METAP1D: variants seen among roughly 807,000 people sequenced by gnomAD.
METAP1D encodes methionine aminopeptidase 1D, mitochondrial.
METAP1D carries 31 observed loss-of-function variants against 40.5 expected under a neutral mutation model. That is an observed-to-expected ratio of 0.77 (90% CI 0.58 to 1.03). The LOEUF is 1.03. Ranked by LOEUF, METAP1D falls within the 50% of genes least tolerant of loss-of-function variation. The pLI is 0.00. For synonymous variants in METAP1D, 151 were observed against 146.4 expected (o/e 1.03, Z -0.22); for missense variants, 411 against 420.7 (o/e 0.98, Z 0.20).
intron 1 of METAP1D, among the ~76,000 whole-genome samples, chr2:172,013,743 A>G (rs536961234): frequency 4.2e-4 from 64 of 152,250 alleles, no homozygotes; most frequent in African/African-American, 1.5e-3. Flanking sequence ...CATGCACAGC[A>G]TTGGGAGACA....
chr2:172,045,819 GTATATATA>G (rs796640775), intron 1 of METAP1D, among the ~76,000 whole-genome samples: 72 of 15,176 alleles, frequency 4.7e-3, no homozygotes, highest in Admixed American at 0.012. Flanking sequence ...GTGTGTGTGT[GTATATATA>G]TATATATATA....
chr2:172,012,669 ATGT>A (rs1297947187), intron 1 of METAP1D, among the ~76,000 whole-genome samples: 1 of 152,072 alleles, frequency 6.6e-6, no homozygotes, highest in African/African-American at 2.4e-5. Context: ...TAATTTTCTA[ATGT>A]TGTTTTCTAC....
intron 1 of METAP1D, among the ~76,000 whole-genome samples, chr2:172,015,414 AAAAG>A (rs1452217700): frequency 6.6e-6 from 1 of 152,062 alleles, no homozygotes; most frequent in African/African-American, 2.4e-5. Flanking sequence ...TGTCTCAAAA[AAAAG>A]AAAGAAAATA....
intron 1 of METAP1D, among the ~76,000 whole-genome samples, chr2:172,021,167 T>C (rs1688997400): frequency 6.6e-6 from 1 of 152,202 alleles, no homozygotes. Context: ...TTGTTTGCAT[T>C]TTCACGTTTA....
Position 172,081,880 on chromosome 2 carries a change from AG to A in METAP1D, c.*1476del, listed in dbSNP as rs1263624955. On this transcript the variant is annotated 3_prime_UTR_variant, in exon 10 of 10. Transcript: ENST00000315796. ...GTAACATTCATAATACGGGAAACTGAGGACCAGGTGGCTCGGAAAAGAGATG... is the reference window on the plus strand; with the variant it reads ...GTAACATTCATAATACGGGAAACTGAGACCAGGTGGCTCGGAAAAGAGATG... The A allele has an allele frequency of 6.6e-6, 1 of 152,228 alleles. No homozygotes were observed. The highest frequency in any genetic ancestry group is 2.4e-5 in the African/African-American group (1 of 41,440). The allele number at this position is 152,228 out of a possible 1,614,324, so 9.4% of individuals were successfully genotyped here. A position where few individuals can be genotyped will look rare whatever the true frequency, so the allele number is the denominator to read the frequency against.
Position 172,081,201 on chromosome 2 carries a change from G to C in METAP1D, c.*795G>C, listed in dbSNP as rs1471000412. The C allele has an allele frequency of 2.7e-5, 4 of 147,426 alleles. No individual in the cohort carries two copies. Among genetic ancestry groups the C allele is most frequent in the African/African-American group, 7.6e-5 (3 of 39,476 alleles). 9.1% of individuals were successfully genotyped at this position (147,426 alleles called of 1,614,324 possible). On this transcript the variant is annotated 3_prime_UTR_variant, in exon 10 of 10. Transcript: ENST00000315796. ...ACCCCACACGCACGCACGCACGCTA[G>C]ACCGTTTGCTGCACTAGGAATTCGA... is the stretch of plus-strand genomic sequence containing the variant.
At chr2:172,036,093 G>A (rs1192471833) in intron 1 of METAP1D, among the ~76,000 whole-genome samples, 6 of 151,832 alleles carry the variant, frequency 4.0e-5, no homozygotes, top group Non-Finnish European at 7.4e-5. Context: ...CAAGGTGGGC[G>A]GATCACTAGG....
At chr2:172,031,200 T>C (rs896020469) in intron 1 of METAP1D, among the ~76,000 whole-genome samples, 1 of 152,214 alleles carries the variant, frequency 6.6e-6, no homozygotes, top group South Asian at 2.1e-4. Context: ...AGAATTTTCT[T>C]TGGGTTAATG....
chr2:172,028,015 G>C (rs749788254), intron 1 of METAP1D, among the ~76,000 whole-genome samples: 1 of 152,220 alleles, frequency 6.6e-6, no homozygotes, highest in African/African-American at 2.4e-5. Context: ...CCTGGTACTA[G>C]TGGGGGCTGG....
intron 1 of METAP1D, among the ~76,000 whole-genome samples, chr2:172,036,661 G>A (rs1463676385): frequency 3.3e-5 from 5 of 151,800 alleles, no homozygotes; most frequent in African/African-American, 4.8e-5. Flanking sequence ...CACCGCACCC[G>A]GCCCGTTTCC....
chr2:172,014,054 C>G (rs1419670295), intron 1 of METAP1D, among the ~76,000 whole-genome samples: 4 of 151,846 alleles, frequency 2.6e-5, no homozygotes, highest in African/African-American at 4.8e-5. Flanking sequence ...AACTCCTGAC[C>G]TCAAGTGATC....
rs59670859 is a variant in METAP1D, at chr2:172,056,968, T to TAA, written c.41-4523_41-4522dup. Among the ~76,000 whole-genome samples, 3 of 150,122 alleles carry TAA rather than the reference T, an allele frequency of 2.0e-5. No homozygotes were observed. In the East Asian group the frequency reaches 6.0e-4, roughly 30 times the overall value. On this transcript the variant is annotated intron_variant, in intron 1 of 9. Coordinates refer to ENST00000315796, the MANE Select transcript of METAP1D (RefSeq NM_199227.3). Reference sequence around the variant, plus strand: ...TACATGATATTTACATTTTTCATGATAAAAAAAACTGACCTTGAAATCTAG... The same window carrying TAA: ...TACATGATATTTACATTTTTCATGATAAAAAAAAAACTGACCTTGAAATCTAG...
In METAP1D at chr2:172,045,847, A is replaced by G. The variant is rs1212321312; in HGVS notation, c.41-15651A>G. On this transcript the variant is annotated intron_variant, in intron 1 of 9. Transcript: ENST00000315796. ...TATATATATATATATATATATATAT[A>G]TATATATATATATATATGACGGAAT... is the stretch of plus-strand genomic sequence containing the variant. Among the ~76,000 whole-genome samples the G allele has an allele frequency of 1.7e-4, 19 of 109,916 alleles. 1 individual carries two copies. Among genetic ancestry groups the G allele is most frequent in the Admixed American group, 1.5e-3 (16 of 10,528 alleles). 72.1% of individuals were successfully genotyped at this position (109,916 alleles called of 152,430 possible). A position where few individuals can be genotyped will look rare whatever the true frequency, so the allele number is the denominator to read the frequency against.
chr2:172,075,252 T>C (rs961001890), intron 6 of METAP1D, among the ~76,000 whole-genome samples: 1 of 152,226 alleles, frequency 6.6e-6, no homozygotes, highest in Non-Finnish European at 1.5e-5. Context: ...TGGGCAGATG[T>C]CACACTGTCT....
chr2:172,022,937 A>T (rs758173421), intron 1 of METAP1D, among the ~76,000 whole-genome samples: 1 of 152,188 alleles, frequency 6.6e-6, no homozygotes, highest in African/African-American at 2.4e-5. Flanking sequence ...CTGTAATCCC[A>T]GCACTTTGGG....
intron 1 of METAP1D, among the ~76,000 whole-genome samples, chr2:172,032,874 A>G (rs1689271071): frequency 6.6e-6 from 1 of 152,156 alleles, no homozygotes; most frequent in Non-Finnish European, 1.5e-5. Flanking sequence ...CATCCTGGAT[A>G]ACACGGTGAA....
At chr2:172,066,172 T>G in intron 4 of METAP1D, 92 bp from the exon 5 acceptor site, 1 of 974,194 alleles carries the variant, frequency 1.0e-6, no homozygotes, top group East Asian at 2.6e-5. Flanking sequence ...TGCATCCCAT[T>G]GGGTTTGTGA....
At chr2:172,005,628 C>G (rs1353943003) in intron 1 of METAP1D, among the ~76,000 whole-genome samples, 1 of 148,790 alleles carries the variant, frequency 6.7e-6, no homozygotes, top group Non-Finnish European at 1.5e-5. Flanking sequence ...ACCTCCGCCT[C>G]CCGGGTTCAA....
chr2:172,010,676 A>G (rs1241970655), intron 1 of METAP1D, among the ~76,000 whole-genome samples: 1 of 148,222 alleles, frequency 6.7e-6, no homozygotes, highest in Non-Finnish European at 1.5e-5. Flanking sequence ...TATTTTTAGT[A>G]AGAGACAGGG....
Sources: gnomAD v4.1 joint callset for allele counts (sites outside exome capture counted in the v4.1 genomes callset) on GRCh38, gnomAD v4.1.1 for gene constraint, MANE v1.5 for transcripts, NCBI Gene and HGNC (gene_info 2026-07-23, HGNC 2026-07-21) for gene names.